The following PCDHGA9 variants were observed in gnomAD, a reference collection of about 807,000 sequenced individuals.
PCDHGA9 encodes protocadherin gamma subfamily A, 9.
A neutral mutation model predicts 62.5 loss-of-function variants in PCDHGA9; 37 were observed. That is an observed-to-expected ratio of 0.59 (90% CI 0.46 to 0.78). The LOEUF (loss-of-function observed/expected upper bound fraction) is 0.78. Among genes scored for constraint, PCDHGA9 ranks in the 30% least tolerant of loss-of-function variants. The probability of loss-of-function intolerance (pLI) is 0.00; values close to 1 mark genes in which losing one functional copy is unlikely to be tolerated. For missense variants in PCDHGA9, 1,138 were observed against 1,166.2 expected, an observed-to-expected ratio of 0.98 and a Z score of 0.35; for synonymous variants, 459 against 484.6, an observed-to-expected ratio of 0.95 and a Z score of 0.69.
rs2099686717 is a variant in PCDHGA9, at chr5:141,489,403, A to C, written c.2425-5404A>C. The C allele has an allele frequency of 6.2e-7, 1 of 1,614,172 alleles. No homozygotes were observed. Among genetic ancestry groups the C allele is most frequent in the East Asian group, 2.2e-5 (1 of 44,884 alleles). On this transcript the variant is annotated intron_variant, in intron 1 of 3. Coordinates refer to ENST00000573521, the MANE Select transcript of PCDHGA9 (RefSeq NM_018921.3). The surrounding 1 kb of genome is among the most constrained non-coding windows in gnomAD (Gnocchi z 4.5). ...GAATGTTGCTCAGGATCTGGGCTTA[A>C]AGATGACAGATCTGTTGAGCCGGCG...
At chr5:141,407,415 A>C (rs1561707597) in intron 1 of PCDHGA9, among the ~76,000 whole-genome samples, 1 of 152,228 alleles carries the variant, frequency 6.6e-6, no homozygotes, top group Non-Finnish European at 1.5e-5. Flanking sequence ...TCGATACCAC[A>C]AAAATGTCTC....
At chr5:141,423,734 T>C in intron 1 of PCDHGA9, 1 of 969,626 alleles carries the variant, frequency 1.0e-6, no homozygotes, top group Non-Finnish European at 1.3e-6. Flanking sequence ...TTTTTGAGCC[T>C]GTTATGAAAA....
intron 1 of PCDHGA9, 144 bp from the exon 2 acceptor site, chr5:141,494,663 G>A: frequency 6.7e-7 from 1 of 1,499,356 alleles, no homozygotes; most frequent in Non-Finnish European, 9.0e-7. Flanking sequence ...TGTCTTTGGA[G>A]ATGAGTCCAC....
intron 1 of PCDHGA9, among the ~76,000 whole-genome samples, chr5:141,465,409 A>G (rs1037916815): frequency 3.3e-5 from 5 of 152,188 alleles, no homozygotes; most frequent in African/African-American, 4.8e-5. Flanking sequence ...AAGAAGCCAA[A>G]TCAGCACTGA....
intron 1 of PCDHGA9, among the ~76,000 whole-genome samples, chr5:141,445,953 T>C (rs550111391): frequency 2.0e-4 from 31 of 152,308 alleles, no homozygotes; most frequent in Middle Eastern, 3.4e-3. Flanking sequence ...CTCTGGCTGC[T>C]ATATGGAGAA....
In PCDHGA9 at chr5:141,487,135, A is replaced by T; in HGVS notation, c.2425-7672A>T. 6.2e-7 allele frequency: 1 copy of T among 1,613,544 alleles called. No individual in the cohort carries two copies. The highest frequency in any genetic ancestry group is 8.5e-7 in the Non-Finnish European group (1 of 1,179,856). ...TGGTAAAGGATAGTGGTAGTCCACC[A>T]CTCTCTACCTCTGTTACTCTCTTAG... On this transcript the variant is annotated intron_variant, in intron 1 of 3. Transcript: ENST00000573521. The surrounding 1 kb of genome is among the most constrained non-coding windows in gnomAD (Gnocchi z 5.0).
At chr5:141,475,934 G>T in intron 1 of PCDHGA9, 1 of 665,236 alleles carries the variant, frequency 1.5e-6, no homozygotes, top group Non-Finnish European at 2.5e-6. Context: ...TCGGGCCCCT[G>T]CCCGTCCCCT....
chr5:141,474,608 T>G (rs1469173973), intron 1 of PCDHGA9, among the ~76,000 whole-genome samples: 1 of 152,268 alleles, frequency 6.6e-6, no homozygotes, highest in Non-Finnish European at 1.5e-5. Flanking sequence ...AGGTCACATA[T>G]GGCTTTTCAT....
Position 141,487,532 on chromosome 5 carries a change from A to C in PCDHGA9, c.2425-7275A>C. 6.2e-7 allele frequency: 1 copy of C among 1,614,158 alleles called. No homozygotes were observed. Among genetic ancestry groups the C allele is most frequent in the Non-Finnish European group, 8.5e-7 (1 of 1,180,022 alleles). On this transcript the variant is annotated intron_variant, in intron 1 of 3. Transcript: ENST00000573521. This position sits in a 1 kb window ranked among gnomAD's most constrained non-coding sequence, Gnocchi z 5.0. Reference sequence around the variant, plus strand: ...ACCCACTCGGAGTGATAGCTTCATGATGGTGAAGTCACCCAGTGCACCTAT... The same window carrying C: ...ACCCACTCGGAGTGATAGCTTCATGCTGGTGAAGTCACCCAGTGCACCTAT...
chr5:141,448,335 A>T (rs567377336), intron 1 of PCDHGA9, among the ~76,000 whole-genome samples: 1 of 152,108 alleles, frequency 6.6e-6, no homozygotes, highest in Non-Finnish European at 1.5e-5. Flanking sequence ...CTTTATAGCC[A>T]TGTACCTCAA....
Position 141,409,704 on chromosome 5 carries a change from T to C in PCDHGA9, c.2424+4328T>C. ...GCGAGTGACCTAGAGCCCCTGGCGG[T>C]GTCGTCATACGTGTCAGTGAGCGCG... On this transcript the variant is annotated intron_variant, in intron 1 of 3. Transcript: ENST00000573521. 6.2e-7 allele frequency: 1 copy of C among 1,613,248 alleles called. No homozygotes were observed. Among genetic ancestry groups the C allele is most frequent in the South Asian group, 1.1e-5 (1 of 91,072 alleles).
intron 1 of PCDHGA9, among the ~76,000 whole-genome samples, chr5:141,464,076 C>A (rs561982216): frequency 3.1e-4 from 47 of 152,132 alleles, no homozygotes; most frequent in African/African-American, 9.4e-4. Context: ...GCCAGCCTGG[C>A]CAACATGGTG....
At position 141,489,774 on chromosome 5, in the gene PCDHGA9, C is replaced by T; in HGVS notation, c.2425-5033C>T. The T allele has an allele frequency of 1.2e-6, 2 of 1,614,164 alleles. No homozygotes were observed. Among genetic ancestry groups the T allele is most frequent in the Non-Finnish European group, 8.5e-7 (1 of 1,179,998 alleles). On this transcript the variant is annotated intron_variant, in intron 1 of 3. Transcript: ENST00000573521. The surrounding 1 kb of genome is among the most constrained non-coding windows in gnomAD (Gnocchi z 4.5). The stretch of plus-strand genomic sequence containing the variant: ...ACACTCTAAGCCCCAACAGCCACTT[C>T]TCTCTGAATGTGAAGACCCTAAAAG...
rs755177334 is a variant in PCDHGA9, at chr5:141,403,403, C to A, written c.451C>A (p.Arg151Ser). Residue 151 changes from arginine (R) to serine (S), a missense_variant, in exon 1 of 4, where the codon CGT (arginine) becomes AGT (serine). By Grantham distance (110) the Arg-to-Ser change is moderately radical. Coordinates refer to ENST00000573521, the MANE Select transcript of PCDHGA9 (RefSeq NM_018921.3). ...KINEIAVPGA[R>S]YPLPEAIDPD... ...TAACGAAATCGCGGTTCCTGGAGCA[C>A]GTTATCCACTTCCAGAAGCTATTGA... 6.2e-6 allele frequency: 10 copies of A among 1,613,948 alleles called. 1 individual carries two copies. The South Asian group carries it at 1.1e-4, about 18-fold the overall frequency.
At chr5:141,430,244 A>G (rs903055705) in intron 1 of PCDHGA9, among the ~76,000 whole-genome samples, 1 of 105,606 alleles carries the variant, frequency 9.5e-6, no homozygotes, top group Non-Finnish European at 1.8e-5. Context: ...AGAAACTCCT[A>G]GGGAGACATC....
At chr5:141,405,830 G>A (rs1214599375) in intron 1 of PCDHGA9, among the ~76,000 whole-genome samples, 3 of 152,148 alleles carry the variant, frequency 2.0e-5, no homozygotes, top group East Asian at 1.9e-4. Flanking sequence ...ACTTAAGGTA[G>A]TATAAGTTGA....
chr5:141,479,731 G>C (rs1176632022), intron 1 of PCDHGA9: 1 of 152,216 alleles, frequency 6.6e-6, no homozygotes, highest in East Asian at 1.9e-4. Context: ...TTTTTCTTAA[G>C]TATATGCACA....
chr5:141,470,123 C>T (rs368463710), intron 1 of PCDHGA9, among the ~76,000 whole-genome samples: 11 of 151,234 alleles, frequency 7.3e-5, no homozygotes, highest in Admixed American at 3.3e-4. Flanking sequence ...AGCAAGACTT[C>T]GTCTCAAAAA....
At position 141,486,392 on chromosome 5, in the gene PCDHGA9, C is replaced by T; in HGVS notation, c.2425-8415C>T. ...GTCTGCCTTCAGGAACCAGTTCTCC[C>T]TGGTGACTGCTGGACCCTTGGATCG... On this transcript the variant is annotated intron_variant, in intron 1 of 3. Coordinates refer to ENST00000573521, the MANE Select transcript of PCDHGA9 (RefSeq NM_018921.3). The surrounding 1 kb of genome is among the most constrained non-coding windows in gnomAD (Gnocchi z 5.0). 1 of 1,614,170 alleles carries T rather than the reference C, an allele frequency of 6.2e-7. No individual in the cohort carries two copies. Among genetic ancestry groups the T allele is most frequent in the Non-Finnish European group, 8.5e-7 (1 of 1,180,014 alleles).
Sources: gnomAD v4.1 joint callset for allele counts (sites outside exome capture counted in the v4.1 genomes callset) on GRCh38, gnomAD v4.1.1 for gene constraint, Gnocchi (gnomAD v3.1) non-coding constraint, MANE v1.5 for transcripts, NCBI Gene and HGNC (gene_info 2026-07-23, HGNC 2026-07-21) for gene names.